The following KCNG3 variants were observed in gnomAD, a reference collection of about 807,000 sequenced individuals.
The protein encoded by KCNG3 is voltage-gated potassium channel regulatory subunit KCNG3.
Under a neutral mutation model 29.0 loss-of-function variants are expected in KCNG3, and 15 were observed. The observed-to-expected ratio is 0.52, with a 90% CI of 0.35 to 0.80. The LOEUF (loss-of-function observed/expected upper bound fraction) is 0.80, where lower values mean the gene tolerates loss of function less well. KCNG3 is among the 30% of genes least tolerant of loss of function. The pLI is 0.01. For missense variants in KCNG3, 512 were observed against 605.7 expected (o/e 0.85, Z 1.62); for synonymous variants, 322 against 248.9 (o/e 1.29, Z -2.76).
the KCNG3 span, among the ~76,000 whole-genome samples, chr2:42,414,145 GT>G: frequency 6.6e-6 from 1 of 152,144 alleles, no homozygotes; most frequent in East Asian, 1.9e-4. Flanking sequence ...TTGTCAACAT[GT>G]TTTACCAATT....
chr2:42,411,448 A>G, the KCNG3 span, among the ~76,000 whole-genome samples: 1 of 152,004 alleles, frequency 6.6e-6, no homozygotes, highest in South Asian at 2.1e-4. Context: ...AGTGTCCCTC[A>G]GTGCTATTTT....
intron 1 of KCNG3, among the ~76,000 whole-genome samples, chr2:42,449,563 G>C (rs1672697260): frequency 7.1e-6 from 1 of 141,134 alleles, no homozygotes; most frequent in Non-Finnish European, 1.5e-5. Context: ...TGTCACCCAG[G>C]CTGGAGCACA....
chr2:42,434,406 G>A, the KCNG3 span, among the ~76,000 whole-genome samples: 1 of 125,526 alleles, frequency 8.0e-6, no homozygotes, highest in African/African-American at 3.2e-5. Context: ...TTGCAATGAG[G>A]AGTGATCAGA....
intron 1 of KCNG3, among the ~76,000 whole-genome samples, chr2:42,491,019 G>A (rs1232406421): frequency 2.6e-5 from 4 of 152,158 alleles, no homozygotes; most frequent in East Asian, 1.9e-4. Flanking sequence ...GCTAAAACTG[G>A]GCCATTAAGC....
At chr2:42,473,270 T>C (rs999815411) in intron 1 of KCNG3, among the ~76,000 whole-genome samples, 1 of 152,166 alleles carries the variant, frequency 6.6e-6, no homozygotes, top group Non-Finnish European at 1.5e-5. Flanking sequence ...TTATCATCTA[T>C]TGTTTTTTAT....
At chr2:42,432,641 A>C in the KCNG3 span, among the ~76,000 whole-genome samples, 2 of 152,212 alleles carry the variant, frequency 1.3e-5, no homozygotes, top group Non-Finnish European at 1.5e-5. Flanking sequence ...GTAATCTTTT[A>C]TCTCTCATGT....
the KCNG3 span, among the ~76,000 whole-genome samples, chr2:42,399,194 C>A: frequency 7.3e-5 from 11 of 151,576 alleles, no homozygotes; most frequent in South Asian, 2.3e-3. Flanking sequence ...GTAGCTGGGA[C>A]CATAGGCATA....
Position 42,442,488 on chromosome 2 carries a change from AGAT to A in KCNG3, c.*1443_*1445del, listed in dbSNP as rs1672508502. On this transcript the variant is annotated 3_prime_UTR_variant, in exon 2 of 2. Transcript: ENST00000306078. ...ACCTGTAATAGTTGAGGTTTGAACTAGATGATGGCTAAAATTCCTTTAATGAAC... is the reference window on the plus strand; with the variant it reads ...ACCTGTAATAGTTGAGGTTTGAACTAGATGGCTAAAATTCCTTTAATGAAC... 6.6e-6 allele frequency: 1 copy of A among 152,198 alleles called. No individual in the cohort carries two copies. Among genetic ancestry groups the A allele is most frequent in the Non-Finnish European group, 1.5e-5 (1 of 68,038 alleles). 9.4% of individuals were successfully genotyped at this position (152,198 alleles called of 1,614,324 possible). A position where few individuals can be genotyped will look rare whatever the true frequency, so the allele number is the denominator to read the frequency against.
At chr2:42,454,624 A>G (rs1315540407) in intron 1 of KCNG3, among the ~76,000 whole-genome samples, 1 of 152,126 alleles carries the variant, frequency 6.6e-6, no homozygotes, top group Non-Finnish European at 1.5e-5. Context: ...AGGCAGGAGA[A>G]TCACTTGAAC....
At chr2:42,452,245 T>TATA (rs1558376128) in intron 1 of KCNG3, among the ~76,000 whole-genome samples, 3,571 of 46,906 alleles carry the variant, frequency 0.076, 58 homozygotes, top group Non-Finnish European at 0.092. Context: ...ATATATATAT[T>TATA]TTTTTTTTTT....
intron 1 of KCNG3, among the ~76,000 whole-genome samples, chr2:42,473,709 T>C (rs556620889): frequency 6.6e-6 from 1 of 152,262 alleles, no homozygotes; most frequent in South Asian, 2.1e-4. Flanking sequence ...AGGTTTTTGA[T>C]AGATGTAGTC....
At chr2:42,409,578 C>T in the KCNG3 span, among the ~76,000 whole-genome samples, 1 of 151,412 alleles carries the variant, frequency 6.6e-6, no homozygotes, top group South Asian at 2.1e-4. Context: ...GTGGTGTGCA[C>T]CTGTAGTCCC....
At chr2:42,445,660 C>T (rs369100842) in intron 1 of KCNG3, among the ~76,000 whole-genome samples, 2 of 152,250 alleles carry the variant, frequency 1.3e-5, no homozygotes, top group African/African-American at 2.4e-5. Context: ...ATATTTACCA[C>T]CCTTTCTGCA....
At chr2:42,415,564 G>A in the KCNG3 span, 1 of 152,164 alleles carries the variant, frequency 6.6e-6, no homozygotes, top group Non-Finnish European at 1.5e-5. Flanking sequence ...TAAAAGACAT[G>A]TAACATGAAC....
chr2:42,414,392 T>C, the KCNG3 span, among the ~76,000 whole-genome samples: 1 of 152,180 alleles, frequency 6.6e-6, no homozygotes, highest in African/African-American at 2.4e-5. Context: ...TATTTCATTG[T>C]TTTTTTGGCA....
intron 1 of KCNG3, among the ~76,000 whole-genome samples, chr2:42,457,668 C>CACA (rs1553327831): frequency 9.4e-5 from 14 of 149,714 alleles, no homozygotes; most frequent in East Asian, 4.0e-4. Context: ...CACACACACA[C>CACA]AAGGCTGGGC....
intron 1 of KCNG3, chr2:42,463,093 C>T (rs1489949058): frequency 9.4e-6 from 2 of 212,114 alleles, no homozygotes; most frequent in East Asian, 1.1e-4. Flanking sequence ...AAGGTAGCTA[C>T]ACTGCAAAAT....
At position 42,493,480 on chromosome 2, in the gene KCNG3, C is replaced by G. The variant is rs770875801; in HGVS notation, c.22G>C (p.Ala8Pro). 7.0e-7 allele frequency: 1 copy of G among 1,419,856 alleles called. No individual in the cohort carries two copies. Among genetic ancestry groups the G allele is most frequent in the Non-Finnish European group, 9.1e-7 (1 of 1,094,744 alleles). The allele number at this position is 1,419,856 out of a possible 1,614,324, so 88.0% of individuals were successfully genotyped here. Residue 8 changes from alanine to proline, a missense_variant, in exon 1 of 2, where the codon GCG (alanine) becomes CCG (proline). Around this residue, in one of 5 missense-constraint regions of KCNG3, gnomAD observed 18 missense variants for 36.1 expected, o/e 0.50. Transcript: ENST00000306078. ...CCCACGTTCAGCACCACCGAGGCCGCCCCGCTGCGCCCGAAGGTCATGGCT... is the reference window on the plus strand; with the variant it reads ...CCCACGTTCAGCACCACCGAGGCCGGCCCGCTGCGCCCGAAGGTCATGGCT... MTFGRSGAASVVLNVGGA... is the reference protein window; with the variant it reads MTFGRSGPASVVLNVGGA...
chr2:42,472,512 T>G (rs533378134), intron 1 of KCNG3, among the ~76,000 whole-genome samples: 1 of 152,054 alleles, frequency 6.6e-6, no homozygotes, highest in Non-Finnish European at 1.5e-5. Context: ...CATTTTTTTT[T>G]TTTTTGAGAC....
Sources: allele counts gnomAD v4.1 joint callset (sites outside exome capture counted in the v4.1 genomes callset), GRCh38; gene constraint gnomAD v4.1.1; regional missense constraint gnomAD v4.1.1; transcripts MANE v1.5; gene names NCBI Gene and HGNC (gene_info 2026-07-23, HGNC 2026-07-21).